The following RASGEF1C variants were observed in gnomAD, a reference collection of about 807,000 sequenced individuals.
RASGEF1C encodes the protein RasGEF domain family member 1C.
In RASGEF1C, 27 loss-of-function variants were observed where a neutral mutation model predicts 58.1. The ratio of observed to expected loss-of-function variants is 0.46; its 90% CI spans 0.34 to 0.64. RASGEF1C has a LOEUF of 0.64. RASGEF1C is among the 30% of genes least tolerant of loss of function. RASGEF1C has a pLI of 0.01. For missense variants in RASGEF1C, 502 were observed against 605.1 expected, an observed-to-expected ratio of 0.83 and a Z score of 1.79; for synonymous variants, 243 against 246.3, an observed-to-expected ratio of 0.99 and a Z score of 0.13.
intron 1 of RASGEF1C, among the ~76,000 whole-genome samples, chr5:180,149,333 A>G (rs542926611): frequency 8.0e-5 from 12 of 149,866 alleles, no homozygotes; most frequent in East Asian, 2.0e-4. Flanking sequence ...TGATCTGCCC[A>G]CCTCAGCCTC....
In RASGEF1C at chr5:180,190,350, C is replaced by T. The variant is rs545941699; in HGVS notation, c.-7+18678G>A. Among the ~76,000 whole-genome samples, 440 of 151,692 alleles carry T rather than the reference C, an allele frequency of 2.9e-3. 2 individuals carry two copies. Among genetic ancestry groups the T allele is most frequent in the African/African-American group, 8.8e-3 (363 of 41,344 alleles). On this transcript the variant is annotated intron_variant, in intron 1 of 13. Coordinates refer to ENST00000361132, the MANE Select transcript of RASGEF1C (RefSeq NM_175062.4). ...AAAACAAAACAAAAAATTAGCCGGG[C>T]GTGGTGGCGGGCGCCTGTAGTCCCA...
intron 1 of RASGEF1C, among the ~76,000 whole-genome samples, chr5:180,163,255 A>ATTTTTTTTTTTTTTTTTTTTTTT (rs1766973565): frequency 8.5e-5 from 1 of 11,734 alleles, no homozygotes; most frequent in Non-Finnish European, 2.4e-4. Flanking sequence ...TTTTTTTTCC[A>ATTTTTTTTTTTTTTTTTTTTTTT]GCCTATTGCA....
rs1346311462 is a variant in RASGEF1C at position 180,118,683 on chromosome 5, TC to T, written c.1008del (p.Asn337IlefsTer17). 6.2e-7 allele frequency: 1 copy of T among 1,614,118 alleles called. No individual in the cohort carries two copies. The highest frequency in any genetic ancestry group is 2.2e-5 in the East Asian group (1 of 44,872). On this transcript the variant is annotated frameshift_variant, in exon 10 of 14. Transcript: ENST00000361132. LOFTEE classifies it high-confidence loss of function. ...AGGGCTGTCCTGTAGTTGCAGAAAT[TC>T]CCCGTTGGGTCCATCTGGTGCTGGA... is the stretch of plus-strand genomic sequence containing the variant. ...FILEHQMDPT[G>X]NFCNYRTALR...
chr5:180,107,209 A>C (rs1765886193), intron 12 of RASGEF1C, among the ~76,000 whole-genome samples: 1 of 152,212 alleles, frequency 6.6e-6, no homozygotes, highest in African/African-American at 2.4e-5. Context: ...ATTTTAAAAA[A>C]TCGACTTTGT....
intron 1 of RASGEF1C, among the ~76,000 whole-genome samples, chr5:180,193,447 G>A (rs1371436313): frequency 6.6e-6 from 1 of 152,094 alleles, no homozygotes; most frequent in Non-Finnish European, 1.5e-5. Flanking sequence ...ATTTTGACAG[G>A]ACAGAGCTGC....
intron 11 of RASGEF1C, among the ~76,000 whole-genome samples, chr5:180,113,845 G>GGATGGAGGGATCGAGGATA (rs1455218053): frequency 2.0e-5 from 3 of 151,650 alleles, no homozygotes; most frequent in Middle Eastern, 3.4e-3. Context: ...GACCGAGGAT[G>GGATGGAGGGATCGAGGATA]GATGGAGGGA....
At chr5:180,195,613 T>A (rs572796758) in intron 1 of RASGEF1C, among the ~76,000 whole-genome samples, 6 of 150,866 alleles carry the variant, frequency 4.0e-5, no homozygotes, top group East Asian at 2.0e-4. Context: ...ACAAAAAAAA[T>A]TAGCTGGGCG....
intron 12 of RASGEF1C, among the ~76,000 whole-genome samples, chr5:180,104,095 G>T (rs1582257097): frequency 1.3e-5 from 2 of 152,080 alleles, no homozygotes; most frequent in Non-Finnish European, 2.9e-5. Flanking sequence ...AAGGATTCTT[G>T]TGTCTATATT....
At chr5:180,182,140 G>A (rs965544906) in intron 1 of RASGEF1C, among the ~76,000 whole-genome samples, 2 of 140,716 alleles carry the variant, frequency 1.4e-5, no homozygotes, top group East Asian at 4.2e-4. Flanking sequence ...GGGAGGTGGA[G>A]CTTGCAGTGA....
intron 11 of RASGEF1C, 116 bp from the exon 12 acceptor site, chr5:180,111,696 G>A: frequency 8.7e-7 from 1 of 1,151,512 alleles, no homozygotes; most frequent in Non-Finnish European, 1.3e-6. Context: ...TTAGGGCTCT[G>A]AGGAGGAGCA....
intron 10 of RASGEF1C, among the ~76,000 whole-genome samples, chr5:180,114,774 G>A (rs1198844173): frequency 3.9e-5 from 6 of 152,222 alleles, no homozygotes; most frequent in South Asian, 2.1e-4. Flanking sequence ...AGGAGCAGGC[G>A]CGCATCACCC....
At chr5:180,178,133 A>AT (rs56344691) in intron 1 of RASGEF1C, among the ~76,000 whole-genome samples, 26,628 of 135,292 alleles carry the variant, frequency 0.2, 2,832 homozygotes, top group Non-Finnish European at 0.24. Flanking sequence ...AGCCTGGCTA[A>AT]TTTTTTTTTT....
rs1212836512 is a variant in RASGEF1C at position 180,168,935 on chromosome 5, G to C, written c.-6-30877C>G. On this transcript the variant is annotated intron_variant, in intron 1 of 13. Transcript: ENST00000361132. The surrounding 1 kb of genome is among the most constrained non-coding windows in gnomAD (Gnocchi z 6.0). ...GCTGCCCTGAGTGCAGGCTTGGCTAGAGCGGGGGAAAAACGGCAAACCTAC... is the reference window on the plus strand; with the variant it reads ...GCTGCCCTGAGTGCAGGCTTGGCTACAGCGGGGGAAAAACGGCAAACCTAC... Among the ~76,000 whole-genome samples, 9 of 152,178 alleles carry C rather than the reference G, an allele frequency of 5.9e-5. No individual in the cohort carries two copies. Among genetic ancestry groups the C allele is most frequent in the Non-Finnish European group, 7.3e-5 (5 of 68,044 alleles).
Position 180,187,983 on chromosome 5 carries a change from A to T in RASGEF1C, c.-7+21045T>A, listed in dbSNP as rs75184795. 4.6e-3 allele frequency among the ~76,000 whole-genome samples: 699 copies of T among 152,340 alleles called. 8 individuals are homozygous for T. The highest frequency in any genetic ancestry group is 0.015 in the African/African-American group (634 of 41,572). On this transcript the variant is annotated intron_variant, in intron 1 of 13. Coordinates refer to ENST00000361132, the MANE Select transcript of RASGEF1C (RefSeq NM_175062.4). ...ACCCAGCAATTCCACTCCCAGTTAC[A>T]TGCCCCAAATAACTGAAAACAGATC...
At chr5:180,186,882 G>A (rs1756053212) in intron 1 of RASGEF1C, among the ~76,000 whole-genome samples, 1 of 152,196 alleles carries the variant, frequency 6.6e-6, no homozygotes, top group Non-Finnish European at 1.5e-5. Context: ...AGAAGGTGGA[G>A]GTTGCAGCGA....
intron 1 of RASGEF1C, among the ~76,000 whole-genome samples, chr5:180,173,316 G>A (rs930987902): frequency 1.3e-5 from 2 of 152,136 alleles, no homozygotes; most frequent in Admixed American, 1.3e-4. Context: ...CCACCTCACT[G>A]TCTCCGTCAC....
At chr5:180,201,202 C>A (rs184852661) in intron 1 of RASGEF1C, among the ~76,000 whole-genome samples, 1 of 152,290 alleles carries the variant, frequency 6.6e-6, no homozygotes, top group East Asian at 1.9e-4. Flanking sequence ...AAGGAGACAG[C>A]ATTCGAGCCC....
intron 6 of RASGEF1C, among the ~76,000 whole-genome samples, chr5:180,127,405 A>T (rs1325567801): frequency 6.6e-6 from 1 of 152,196 alleles, no homozygotes; most frequent in Non-Finnish European, 1.5e-5. Context: ...CCGCACGTCC[A>T]GGCTTTCCGG....
intron 6 of RASGEF1C, among the ~76,000 whole-genome samples, chr5:180,121,637 TCACACACACACACACACACACA>T (rs762495633): frequency 1.8e-5 from 2 of 113,260 alleles, no homozygotes; most frequent in Non-Finnish European, 3.7e-5. Context: ...AAATGTAACT[TCACACACACACACACACACACA>T]CACACACACA....
Sources: allele counts gnomAD v4.1 joint callset (sites outside exome capture counted in the v4.1 genomes callset), GRCh38; gene constraint gnomAD v4.1.1; non-coding constraint Gnocchi (gnomAD v3.1); transcripts MANE v1.5; gene names NCBI Gene and HGNC (gene_info 2026-07-23, HGNC 2026-07-21).